BCAS3: variants seen among roughly 807,000 people sequenced by gnomAD.
BCAS3 encodes BCAS3 microtubule associated cell migration factor, also known as BCAS4/BCAS3 fusion.
In BCAS3, 53 loss-of-function variants were observed where a neutral mutation model predicts 116.1. The ratio of observed to expected loss-of-function variants is 0.46; its 90% CI spans 0.37 to 0.57. The LOEUF is 0.57. Ranked by LOEUF, BCAS3 falls within the 20% of genes least tolerant of loss-of-function variation. BCAS3 has a pLI of 0.00. For synonymous variants in BCAS3, 391 were observed against 408.2 expected (o/e 0.96, Z 0.51); for missense variants, 917 against 1,165.4 (o/e 0.79, Z 3.10).
chr17:61,030,246 C>CT (rs2066536392), intron 16 of BCAS3, among the ~76,000 whole-genome samples: 1 of 152,040 alleles, frequency 6.6e-6, no homozygotes, highest in Non-Finnish European at 1.5e-5. Flanking sequence ...GCCTTCCATG[C>CT]TTGTGTCCTT....
chr17:60,726,530 GAC>G (rs1244805583), intron 5 of BCAS3, among the ~76,000 whole-genome samples: 2 of 135,554 alleles, frequency 1.5e-5, no homozygotes, highest in African/African-American at 5.6e-5. Context: ...TTTTTTTTGA[GAC>G]AGAGTCTCAC....
chr17:60,839,670 A>G (rs9904438), intron 7 of BCAS3, among the ~76,000 whole-genome samples: 33,251 of 152,120 alleles, frequency 0.22, 4,695 homozygotes, highest in African/African-American at 0.41. Context: ...TTTAGGAGCC[A>G]AATGAGAATA....
chr17:60,768,801 C>T (rs1568208734), intron 6 of BCAS3, among the ~76,000 whole-genome samples: 1 of 152,156 alleles, frequency 6.6e-6, no homozygotes, highest in Admixed American at 6.6e-5. Flanking sequence ...CTTGCACTGG[C>T]ACCAGTGTCA....
intron 22 of BCAS3, among the ~76,000 whole-genome samples, chr17:61,091,827 T>C (rs2073596736): frequency 6.6e-6 from 1 of 152,244 alleles, no homozygotes; most frequent in Non-Finnish European, 1.5e-5. Context: ...GCGGAGTCCC[T>C]TTCAGCTTGA....
chr17:60,764,749 C>T (rs2043913234), intron 6 of BCAS3, among the ~76,000 whole-genome samples: 1 of 152,250 alleles, frequency 6.6e-6, no homozygotes, highest in South Asian at 2.1e-4. Flanking sequence ...CCTGCATATC[C>T]TTATTAACCT....
chr17:60,901,324 T>C (rs945591560), intron 10 of BCAS3, among the ~76,000 whole-genome samples: 3 of 152,194 alleles, frequency 2.0e-5, no homozygotes, highest in Admixed American at 6.5e-5. Flanking sequence ...TAGCCTTTCT[T>C]TTCTTGCTTA....
intron 9 of BCAS3, among the ~76,000 whole-genome samples, chr17:60,875,307 G>A (rs574749022): frequency 6.6e-6 from 1 of 152,164 alleles, no homozygotes; most frequent in African/African-American, 2.4e-5. Context: ...TTTTCTGTGG[G>A]AGTATTTGGC....
chr17:61,053,051 A>G (rs2069029854), intron 19 of BCAS3, among the ~76,000 whole-genome samples: 1 of 152,036 alleles, frequency 6.6e-6, no homozygotes, highest in South Asian at 2.1e-4. Context: ...TGGGCTGTCT[A>G]TTGATTTATA....
At chr17:60,873,151 C>G (rs904365367) in intron 8 of BCAS3, among the ~76,000 whole-genome samples, 72 of 152,084 alleles carry the variant, frequency 4.7e-4, no homozygotes, top group Non-Finnish European at 1.5e-5. Context: ...ATTATCTCTA[C>G]CTTTTTGTGT....
At chr17:60,909,712 A>G (rs760279008) in intron 11 of BCAS3, among the ~76,000 whole-genome samples, 2 of 152,146 alleles carry the variant, frequency 1.3e-5, no homozygotes, top group African/African-American at 2.4e-5. Context: ...AAAACTTGTT[A>G]TTTAGAAAAA....
At chr17:61,078,746 A>G (rs2072265640) in intron 21 of BCAS3, among the ~76,000 whole-genome samples, 1 of 152,274 alleles carries the variant, frequency 6.6e-6, no homozygotes, top group South Asian at 2.1e-4. Flanking sequence ...TTCAGATTAT[A>G]TTCTCCCTAA....
chr17:60,777,074 G>T (rs1292548787), intron 6 of BCAS3, among the ~76,000 whole-genome samples: 1 of 151,430 alleles, frequency 6.6e-6, no homozygotes, highest in African/African-American at 2.4e-5. Flanking sequence ...GTGTGTGCGT[G>T]TGTATATATG....
Position 60,910,653 on chromosome 17 carries a change from T to A in BCAS3, c.944T>A (p.Val315Asp). 2.5e-6 allele frequency: 4 copies of A among 1,613,010 alleles called. No homozygotes were observed. Among genetic ancestry groups the A allele is most frequent in the Non-Finnish European group, 3.4e-6 (4 of 1,179,532 alleles). The change falls in exon 12 of 24, where the codon GTC (valine) becomes GAC (aspartate). Residue 315 changes from valine to aspartate, a missense_variant. By Grantham distance (152) the Val-to-Asp change is radical. Around this residue, in one of 3 missense-constraint regions of BCAS3, gnomAD observed 807 missense variants for 1,026.0 expected, o/e 0.79. Coordinates refer to ENST00000407086, the MANE Select transcript of BCAS3 (RefSeq NM_017679.5). ...AGTAATTCACGGCGGAGTCCTTTGGTCCCAGGCATCATCACAGTTATTGAC... is the reference window on the plus strand; with the variant it reads ...AGTAATTCACGGCGGAGTCCTTTGGACCCAGGCATCATCACAGTTATTGAC... Reference protein sequence around the residue: ...IHSNSRRSPLVPGIITVIDTE... With the variant: ...IHSNSRRSPLDPGIITVIDTE...
Position 61,087,021 on chromosome 17 carries a change from G to C in BCAS3, c.2425+2457G>C. The C allele has an allele frequency of 1.0e-6, 1 of 985,238 alleles. No individual in the cohort carries two copies. The highest frequency in any genetic ancestry group is 1.2e-6 in the Non-Finnish European group (1 of 829,740). The allele number at this position is 985,238 out of a possible 1,614,324, so 61.0% of individuals were successfully genotyped here. ...AGGCTAACAAAAATCAAGGTAGCAAGTCTAACGAAATCGAGGCTAAATAAT... is the reference window on the plus strand; with the variant it reads ...AGGCTAACAAAAATCAAGGTAGCAACTCTAACGAAATCGAGGCTAAATAAT... On this transcript the variant is annotated intron_variant, in intron 22 of 23. Transcript: ENST00000407086. This position sits in a 1 kb window ranked among gnomAD's most constrained non-coding sequence, Gnocchi z 4.6.
rs2074060860 is a variant in BCAS3 at position 61,097,579 on chromosome 17, A to G, written c.2425+13015A>G. ...GTTTCCTTGGCAGTGTGAGATCCCC[A>G]TGTCTGAATAATCAAGAGGCTCTAT... is the stretch of plus-strand genomic sequence containing the variant. On this transcript the variant is annotated intron_variant, in intron 22 of 23. Transcript: ENST00000407086. The surrounding 1 kb of genome is among the most constrained non-coding windows in gnomAD (Gnocchi z 4.0). 6.6e-6 allele frequency among the ~76,000 whole-genome samples: 1 copy of G among 152,198 alleles called. No individual in the cohort carries two copies. Among genetic ancestry groups the G allele is most frequent in the African/African-American group, 2.4e-5 (1 of 41,454 alleles).
chr17:60,784,969 C>T (rs1267319166), intron 6 of BCAS3, among the ~76,000 whole-genome samples: 2 of 151,814 alleles, frequency 1.3e-5, no homozygotes, highest in Admixed American at 6.5e-5. Context: ...TGGTGGCAGG[C>T]GCCTGTAATC....
At position 61,097,249 on chromosome 17, in the gene BCAS3, G is replaced by T. The variant is rs1302162339; in HGVS notation, c.2425+12685G>T. 6.6e-6 allele frequency among the ~76,000 whole-genome samples: 1 copy of T among 152,074 alleles called. No individual in the cohort carries two copies. The highest frequency in any genetic ancestry group is 1.5e-5 in the Non-Finnish European group (1 of 68,016). On this transcript the variant is annotated intron_variant, in intron 22 of 23. Transcript: ENST00000407086. This position sits in a 1 kb window ranked among gnomAD's most constrained non-coding sequence, Gnocchi z 4.0. ...GCTGGAGTGCAGTGGCGCAATCTCG[G>T]CTCACTGCAAGCTCCACCTCCCGGG... is the stretch of plus-strand genomic sequence containing the variant.
intron 7 of BCAS3, among the ~76,000 whole-genome samples, chr17:60,864,780 G>T (rs1268898303): frequency 6.6e-6 from 1 of 152,126 alleles, no homozygotes; most frequent in Non-Finnish European, 1.5e-5. Context: ...CCTAGCCTTT[G>T]ATTTGAAATG....
intron 12 of BCAS3, among the ~76,000 whole-genome samples, chr17:60,917,327 C>A (rs1282666700): frequency 4.6e-5 from 7 of 152,190 alleles, no homozygotes; most frequent in Non-Finnish European, 2.9e-5. Context: ...TACTCTGTTT[C>A]CCAGGCCCTG....
Sources: allele counts gnomAD v4.1 joint callset (sites outside exome capture counted in the v4.1 genomes callset), GRCh38; gene constraint gnomAD v4.1.1; regional missense constraint gnomAD v4.1.1; non-coding constraint Gnocchi (gnomAD v3.1); transcripts MANE v1.5; gene names NCBI Gene and HGNC (gene_info 2026-07-23, HGNC 2026-07-21).